Variants in LUZP2 observed in about 807,000 individuals in gnomAD.
LUZP2 encodes leucine zipper protein 2.
In LUZP2, 52 loss-of-function variants were observed where a neutral mutation model predicts 51.6. The observed-to-expected ratio is 1.01, with a 90% CI of 0.81 to 1.27. The LOEUF (loss-of-function observed/expected upper bound fraction) is 1.27. LUZP2 is among the 50% of genes most tolerant of loss of function. LUZP2 has a pLI of 0.00. For synonymous variants in LUZP2, 154 were observed against 137.3 expected (o/e 1.12, Z -0.85); for missense variants, 436 against 395.4 (o/e 1.10, Z -0.87).
At chr11:24,711,011 A>T (rs1445309888) in intron 1 of LUZP2, among the ~76,000 whole-genome samples, 1 of 152,132 alleles carries the variant, frequency 6.6e-6, no homozygotes, top group South Asian at 2.1e-4. Flanking sequence ...GGGGGAAAAA[A>T]GAAAACACTG....
chr11:24,877,103 GA>G (rs1386667403), intron 5 of LUZP2, among the ~76,000 whole-genome samples: 5 of 152,128 alleles, frequency 3.3e-5, no homozygotes, highest in Admixed American at 6.6e-5. Context: ...TCCAGGATTA[GA>G]AATATGTAAT....
chr11:24,852,627 G>A (rs1321555202), intron 5 of LUZP2, among the ~76,000 whole-genome samples: 2 of 152,104 alleles, frequency 1.3e-5, no homozygotes, highest in African/African-American at 4.8e-5. Flanking sequence ...AGGTCTTCTT[G>A]GTCCAGAGCT....
In LUZP2 at chr11:24,632,457, A is replaced by G. The variant is rs374922982; in HGVS notation, c.63-96712A>G. Among the ~76,000 whole-genome samples the G allele has an allele frequency of 8.5e-5, 13 of 152,180 alleles. No individual in the cohort carries two copies. The East Asian group carries it at 1.2e-3, about 14-fold the overall frequency. ...TTAATTTTTAACTAGCTTCCCCCAT[A>G]TCATTACAATCAGTGCACTGCAAGA... On this transcript the variant is annotated intron_variant, in intron 1 of 11. Coordinates refer to ENST00000336930, the MANE Select transcript of LUZP2 (RefSeq NM_001009909.4).
intron 5 of LUZP2, among the ~76,000 whole-genome samples, chr11:24,768,815 C>T (rs1453382268): frequency 6.6e-6 from 1 of 152,126 alleles, no homozygotes; most frequent in African/African-American, 2.4e-5. Context: ...TCAGTGAGTA[C>T]AGCCATTATG....
intron 9 of LUZP2, among the ~76,000 whole-genome samples, chr11:25,001,144 G>T (rs1391576342): frequency 1.3e-5 from 2 of 152,130 alleles, no homozygotes; most frequent in African/African-American, 4.8e-5. Context: ...TGAAAACCTT[G>T]TAAGTTTGGG....
intron 9 of LUZP2, among the ~76,000 whole-genome samples, chr11:25,002,452 C>T (rs183360070): frequency 3.9e-4 from 60 of 152,238 alleles, no homozygotes; most frequent in Middle Eastern, 3.4e-3. Flanking sequence ...TTTGAAGCAC[C>T]GGTCCCTCAA....
At chr11:24,800,360 G>A (rs1849662812) in intron 5 of LUZP2, among the ~76,000 whole-genome samples, 1 of 151,814 alleles carries the variant, frequency 6.6e-6, no homozygotes, top group African/African-American at 2.4e-5. Flanking sequence ...CTGTGATGTA[G>A]CTTAGCATTC....
At chr11:24,936,043 T>G (rs1431266064) in intron 7 of LUZP2, among the ~76,000 whole-genome samples, 1 of 152,210 alleles carries the variant, frequency 6.6e-6, no homozygotes, top group Non-Finnish European at 1.5e-5. Context: ...TTTATTTCAT[T>G]ACTGTTAGTG....
chr11:24,678,934 G>A (rs1012451201), intron 1 of LUZP2, among the ~76,000 whole-genome samples: 8 of 152,178 alleles, frequency 5.3e-5, no homozygotes, highest in African/African-American at 1.9e-4. Flanking sequence ...AGCCTGCACC[G>A]CAAGAGAACA....
intron 1 of LUZP2, among the ~76,000 whole-genome samples, chr11:24,668,506 C>G (rs1014475194): frequency 1.3e-5 from 2 of 152,100 alleles, no homozygotes; most frequent in African/African-American, 2.4e-5. Context: ...AAAGAGAATA[C>G]CATTTTACTC....
In LUZP2 at chr11:25,081,029, A is replaced by ATTTTTTTTTTTTTTTTTTTTTTTTTT. The variant is rs553696425; in HGVS notation, c.*2392_*2393insTTTTTTTTTTTTTTTTTTTTTTTTTT. 3.0e-5 allele frequency: 3 copies of ATTTTTTTTTTTTTTTTTTTTTTTTTT among 100,706 alleles called. No homozygotes were observed. The highest frequency in any genetic ancestry group is 1.1e-4 in the African/African-American group (3 of 26,512). The allele number at this position is 100,706 out of a possible 1,614,324, so 6.2% of individuals were successfully genotyped here. A position where few individuals can be genotyped will look rare whatever the true frequency, so the allele number is the denominator to read the frequency against. ...ATCAAGTGGGCTTTGGATCCATATG[A>ATTTTTTTTTTTTTTTTTTTTTTTTTT]TTTTTTTTTTTTTTTTTTTTTGAGA... On this transcript the variant is annotated 3_prime_UTR_variant, in exon 12 of 12. Transcript: ENST00000336930.
At chr11:24,625,034 A>G (rs186563030) in intron 1 of LUZP2, among the ~76,000 whole-genome samples, 2 of 152,284 alleles carry the variant, frequency 1.3e-5, no homozygotes, top group East Asian at 1.9e-4. Flanking sequence ...CCCAAATGCC[A>G]TTGACATGGA....
At chr11:24,502,269 CAAG>C (rs1250212758) in intron 1 of LUZP2, among the ~76,000 whole-genome samples, 2 of 144,146 alleles carry the variant, frequency 1.4e-5, no homozygotes, top group African/African-American at 5.7e-5. Context: ...ATGAAATTAA[CAAG>C]AAGCATAGTC....
rs112045249 is a variant in LUZP2, at chr11:24,724,633, A to G, written c.63-4536A>G. On this transcript the variant is annotated intron_variant, in intron 1 of 11. Transcript: ENST00000336930. Reference sequence around the variant, plus strand: ...TCAAGGACAAGACAGAAGGTATTCTATCACCTCCTCTATTCGACATTGTTT... The same window carrying G: ...TCAAGGACAAGACAGAAGGTATTCTGTCACCTCCTCTATTCGACATTGTTT... Among the ~76,000 whole-genome samples the G allele has an allele frequency of 8.7e-4, 133 of 152,320 alleles. 1 individual carries two copies. The highest frequency in any genetic ancestry group is 3.1e-3 in the African/African-American group (127 of 41,568).
intron 7 of LUZP2, among the ~76,000 whole-genome samples, chr11:24,962,827 A>G (rs1855456181): frequency 6.6e-6 from 1 of 152,180 alleles, no homozygotes; most frequent in Non-Finnish European, 1.5e-5. Context: ...CTTTGGAGGA[A>G]GAGAGGTGCT....
intron 4 of LUZP2, among the ~76,000 whole-genome samples, chr11:24,746,302 CAT>C (rs1859377524): frequency 2.0e-5 from 3 of 152,136 alleles, no homozygotes; most frequent in Non-Finnish European, 4.4e-5. Flanking sequence ...ATCTTTCCTT[CAT>C]ATATGATGCT....
intron 1 of LUZP2, among the ~76,000 whole-genome samples, chr11:24,535,022 G>A (rs561853459): frequency 2.0e-5 from 3 of 151,200 alleles, no homozygotes; most frequent in South Asian, 4.1e-4. Context: ...GCACATGAAC[G>A]TTTTGCTTTC....
Position 25,078,542 on chromosome 11 carries a change from A to G in LUZP2, c.937-12A>G, listed in dbSNP as rs1859384308. 3 of 1,592,712 alleles carry G rather than the reference A, an allele frequency of 1.9e-6. No homozygotes were observed. The highest frequency in any genetic ancestry group is 1.3e-5 in the African/African-American group (1 of 74,172). ...TGATTCTTCGAATTGTCTTTTCTGTATTGTTTAACAGAAATTGCAAATGCC... is the reference window on the plus strand; with the variant it reads ...TGATTCTTCGAATTGTCTTTTCTGTGTTGTTTAACAGAAATTGCAAATGCC... On this transcript the variant is annotated splice_polypyrimidine_tract_variant and intron_variant, in intron 11 of 11. Coordinates refer to ENST00000336930, the MANE Select transcript of LUZP2 (RefSeq NM_001009909.4).
chr11:24,735,788 A>G (rs1422096666), intron 3 of LUZP2, among the ~76,000 whole-genome samples: 1 of 151,970 alleles, frequency 6.6e-6, no homozygotes, highest in East Asian at 1.9e-4. Flanking sequence ...ATTTTTTAGA[A>G]TTAAAGTTTC....
Sources: allele counts gnomAD v4.1 joint callset (sites outside exome capture counted in the v4.1 genomes callset), GRCh38; gene constraint gnomAD v4.1.1; transcripts MANE v1.5; gene names NCBI Gene and HGNC (gene_info 2026-07-23, HGNC 2026-07-21).